Variants in GPRC5A observed in about 807,000 individuals in gnomAD.
GPRC5A encodes retinoic acid-induced protein 3.
Under a neutral mutation model 22.5 loss-of-function variants are expected in GPRC5A, and 19 were observed. That is an observed-to-expected ratio of 0.85 (90% CI 0.59 to 1.24). GPRC5A has a LOEUF of 1.24. Among genes scored for constraint, GPRC5A ranks in the 50% most tolerant of loss-of-function variants. GPRC5A has a pLI of 0.00. For missense variants in GPRC5A, 471 were observed against 451.1 expected, an observed-to-expected ratio of 1.04 and a Z score of -0.40; for synonymous variants, 192 against 184.5, an observed-to-expected ratio of 1.04 and a Z score of -0.33.
intron 1 of GPRC5A, among the ~76,000 whole-genome samples, chr12:12,897,580 G>A (rs574650534): frequency 7.0e-4 from 106 of 151,552 alleles, no homozygotes; most frequent in Non-Finnish European, 1.2e-3. Flanking sequence ...TGGATCTGCC[G>A]TGACAGACAA....
intron 1 of GPRC5A, among the ~76,000 whole-genome samples, chr12:12,894,781 T>TTG (rs1863803661): frequency 7.6e-6 from 1 of 131,788 alleles, no homozygotes; most frequent in South Asian, 2.7e-4. Flanking sequence ...GGTTTTTTTT[T>TTG]TTTTTTTTTT....
intron 1 of GPRC5A, among the ~76,000 whole-genome samples, chr12:12,896,996 G>T (rs1007076340): frequency 6.6e-6 from 1 of 152,162 alleles, no homozygotes; most frequent in African/African-American, 2.4e-5. Flanking sequence ...AGAGGCTGAG[G>T]TAGGTGGATC....
intron 1 of GPRC5A, among the ~76,000 whole-genome samples, chr12:12,906,028 G>A (rs1221351855): frequency 6.6e-6 from 1 of 152,070 alleles, no homozygotes; most frequent in African/African-American, 2.4e-5. Context: ...AGGAGAGAGA[G>A]AAGGATATCT....
rs1864024877 is a variant in GPRC5A, at chr12:12,913,120, G to C, written c.*581G>C. Reference sequence around the variant, plus strand: ...TTGTGAGGCTCTGTGGCCCAGAGCAGACCTGCATATCTGAGCAAAAATAGC... The same window carrying C: ...TTGTGAGGCTCTGTGGCCCAGAGCACACCTGCATATCTGAGCAAAAATAGC... On this transcript the variant is annotated 3_prime_UTR_variant, in exon 4 of 4. Coordinates refer to ENST00000014914, the MANE Select transcript of GPRC5A (RefSeq NM_003979.4). The C allele has an allele frequency of 6.5e-6, 1 of 152,792 alleles. No individual in the cohort carries two copies. Among genetic ancestry groups the C allele is most frequent in the Non-Finnish European group, 1.5e-5 (1 of 68,186 alleles). The allele number at this position is 152,792 out of a possible 1,614,324, so 9.5% of individuals were successfully genotyped here. A position where few individuals can be genotyped will look rare whatever the true frequency, so the allele number is the denominator to read the frequency against.
At position 12,905,414 on chromosome 12, in the gene GPRC5A, A is replaced by G. The variant is rs562186732; in HGVS notation, c.-7-2829A>G. 1.7e-4 allele frequency among the ~76,000 whole-genome samples: 26 copies of G among 152,264 alleles called. No homozygotes were observed. The South Asian group carries it at 5.2e-3, about 30-fold the overall frequency. On this transcript the variant is annotated intron_variant, in intron 1 of 3. Transcript: ENST00000014914. ...ATAGTTCTCTTCTAGTCCGTTCAAA[A>G]CTTTTTATTGCCACGTGAACAATCT... is the stretch of plus-strand genomic sequence containing the variant.
In GPRC5A at chr12:12,912,084, G is replaced by T. The variant is rs759632874; in HGVS notation, c.923G>T (p.Gly308Val). The T allele has an allele frequency of 6.2e-7, 1 of 1,611,540 alleles. No individual in the cohort carries two copies. The highest frequency in any genetic ancestry group is 1.1e-5 in the South Asian group (1 of 91,012). The change falls in exon 3 of 4, where the codon GGT becomes GTT. Residue 308 changes from glycine (G) to valine (V), a missense_variant and splice_region_variant. Coordinates refer to ENST00000014914, the MANE Select transcript of GPRC5A (RefSeq NM_003979.4). ...RAYSQEEITQ[G>V]FEETGDTLYA... ...AATTTCTCCTGTTCCTCCATTTCAG[G>T]TTTTGAAGAGACAGGGGACACGCTC... is the stretch of plus-strand genomic sequence containing the variant.
At chr12:12,909,306 T>A in intron 2 of GPRC5A, 135 bp downstream of exon 2, 1 of 683,110 alleles carries the variant, frequency 1.5e-6, no homozygotes, top group South Asian at 2.1e-5. Flanking sequence ...TCCTTAAGGC[T>A]CAGATCTTGC....
rs575698154 is a variant in GPRC5A at position 12,897,482 on chromosome 12, G to A, written c.-8+5818G>A. Among the ~76,000 whole-genome samples the A allele has an allele frequency of 2.8e-4, 43 of 152,206 alleles. No homozygotes were observed. The South Asian group carries it at 5.4e-3, about 19-fold the overall frequency. On this transcript the variant is annotated intron_variant, in intron 1 of 3. Transcript: ENST00000014914. Reference sequence around the variant, plus strand: ...AACTCTAGGAAGATTTGCTTGCCTTGCACGGAGGTGGAGACGGGAGTTAGG... The same window carrying A: ...AACTCTAGGAAGATTTGCTTGCCTTACACGGAGGTGGAGACGGGAGTTAGG...
At position 12,912,123 on chromosome 12, in the gene GPRC5A, C is replaced by G. The variant is rs1448471460; in HGVS notation, c.962C>G (p.Ser321Cys). The stretch of plus-strand genomic sequence containing the variant: ...GGGGACACGCTCTATGCCCCCTATT[C>G]CACACATTTTCAGCTGCAGGTAAGT... ...ETGDTLYAPY[S>C]THFQLQNQPP... Residue 321 changes from serine to cysteine, a missense_variant, in exon 3 of 4, where the codon TCC (serine) becomes TGC (cysteine). By Grantham distance (112) the Ser-to-Cys change is moderately radical. Transcript: ENST00000014914. 6.2e-7 allele frequency: 1 copy of G among 1,612,216 alleles called. No individual in the cohort carries two copies. Among genetic ancestry groups the G allele is most frequent in the Non-Finnish European group, 8.5e-7 (1 of 1,178,344 alleles).
intron 1 of GPRC5A, among the ~76,000 whole-genome samples, chr12:12,903,085 G>GA (rs915402911): frequency 4.2e-4 from 63 of 150,126 alleles, no homozygotes; most frequent in South Asian, 8.4e-4. Context: ...AAAGAAAAAA[G>GA]AAAAAAAAAT....
intron 1 of GPRC5A, among the ~76,000 whole-genome samples, chr12:12,892,648 T>G (rs1453213505): frequency 1.3e-5 from 2 of 152,018 alleles, no homozygotes; most frequent in African/African-American, 4.8e-5. Flanking sequence ...ATTACAGGTG[T>G]GAGCCCCCGC....
At chr12:12,906,362 G>A (rs1863940710) in intron 1 of GPRC5A, among the ~76,000 whole-genome samples, 1 of 152,020 alleles carries the variant, frequency 6.6e-6, no homozygotes, top group South Asian at 2.1e-4. Context: ...ATTGAGCCCA[G>A]GAATTTGCGA....
At chr12:12,901,196 G>A (rs1863883273) in intron 1 of GPRC5A, among the ~76,000 whole-genome samples, 1 of 152,078 alleles carries the variant, frequency 6.6e-6, no homozygotes, top group South Asian at 2.1e-4. Flanking sequence ...CAAAGTGCAG[G>A]GTTTAGTCAC....
chr12:12,900,915 A>AC (rs1863879918), intron 1 of GPRC5A, among the ~76,000 whole-genome samples: 1 of 84,016 alleles, frequency 1.2e-5, no homozygotes, highest in Non-Finnish European at 2.2e-5. Context: ...AAAAAAAAAC[A>AC]AAAAAAAAAC....
In GPRC5A at chr12:12,909,272, A is replaced by G. The variant is rs1033742679; in HGVS notation, c.922+101A>G. 1.3e-5 allele frequency: 11 copies of G among 832,332 alleles called. No homozygotes were observed. The African/African-American group carries it at 1.9e-4, about 14-fold the overall frequency. The allele number at this position is 832,332 out of a possible 1,614,324, so 51.6% of individuals were successfully genotyped here. On this transcript the variant is annotated intron_variant, in intron 2 of 3. Transcript: ENST00000014914. ...AGGAACATGCAAGATTTTCCAGATT[A>G]TACCCTTGATAGAATAGATAAGTTC...
Position 12,909,135 on chromosome 12 carries a change from G to T in GPRC5A, c.886G>T (p.Glu296Ter), listed in dbSNP as rs1402219145. The change falls in exon 2 of 4, where the codon GAG becomes TAG. Residue 296 changes from glutamate (E) to a stop codon, truncating the protein, a stop_gained. Transcript: ENST00000014914. LOFTEE classifies it high-confidence loss of function. ...PQLVKKSYGV[E>*]NRAYSQEEIT... Reference sequence around the variant, plus strand: ...ACTCGTGAAGAAGAGCTATGGTGTGGAGAACAGAGCCTACTCTCAAGAGGA... The same window carrying T: ...ACTCGTGAAGAAGAGCTATGGTGTGTAGAACAGAGCCTACTCTCAAGAGGA... The T allele has an allele frequency of 6.9e-6, 11 of 1,598,496 alleles. No homozygotes were observed. The highest frequency in any genetic ancestry group is 8.5e-6 in the Non-Finnish European group (10 of 1,178,934).
intron 1 of GPRC5A, among the ~76,000 whole-genome samples, chr12:12,896,011 A>G (rs1249375043): frequency 7.6e-5 from 11 of 145,494 alleles, no homozygotes; most frequent in Non-Finnish European, 7.5e-5. Context: ...AAAAAAAAAA[A>G]AAAAGGATAG....
intron 2 of GPRC5A, 197 bp downstream of exon 2, chr12:12,909,368 G>A (rs1176366815): frequency 1.8e-6 from 1 of 554,608 alleles, no homozygotes; most frequent in African/African-American, 1.9e-5. Context: ...CTGGCCTCTG[G>A]AGTCTTTATT....
At chr12:12,895,039 A>G (rs998128402) in intron 1 of GPRC5A, among the ~76,000 whole-genome samples, 1 of 152,014 alleles carries the variant, frequency 6.6e-6, no homozygotes, top group African/African-American at 2.4e-5. Flanking sequence ...CAGCCTCCCA[A>G]AGTGCTGGGA....
Sources: gnomAD v4.1 joint callset for allele counts (sites outside exome capture counted in the v4.1 genomes callset) on GRCh38, gnomAD v4.1.1 for gene constraint, MANE v1.5 for transcripts, NCBI Gene and HGNC (gene_info 2026-07-23, HGNC 2026-07-21) for gene names.